Variants in COMMD10 observed in about 807,000 individuals in gnomAD.
The protein encoded by COMMD10 is COMM domain-containing protein 10.
COMMD10 carries 33 observed loss-of-function variants against 28.9 expected under a neutral mutation model. The ratio of observed to expected loss-of-function variants is 1.14; its 90% CI spans 0.87 to 1.53. The LOEUF (loss-of-function observed/expected upper bound fraction) is 1.53. Among genes scored for constraint, COMMD10 ranks in the 40% most tolerant of loss-of-function variants. COMMD10 has a pLI of 0.00. For missense variants in COMMD10, 310 were observed against 233.4 expected, an observed-to-expected ratio of 1.33 and a Z score of -2.14; for synonymous variants, 110 against 81.7, an observed-to-expected ratio of 1.35 and a Z score of -1.87.
At position 116,208,503 on chromosome 5, in the gene COMMD10, G is replaced by C. The variant is rs564564541; in HGVS notation, c.510+74325G>C. Reference sequence around the variant, plus strand: ...TGTTGCTAATGTGGATTATTTATTTGAATTCTGACTCTTTGGGATCCCTTT... The same window carrying C: ...TGTTGCTAATGTGGATTATTTATTTCAATTCTGACTCTTTGGGATCCCTTT... On this transcript the variant is annotated intron_variant, in intron 5 of 6. Transcript: ENST00000274458. Among the ~76,000 whole-genome samples the C allele has an allele frequency of 2.6e-5, 4 of 152,196 alleles. No homozygotes were observed. The South Asian group carries it at 6.2e-4, about 24-fold the overall frequency.
intron 4 of COMMD10, among the ~76,000 whole-genome samples, chr5:116,116,766 T>C (rs7729000): frequency 0.9 from 134,210 of 149,574 alleles, 60,353 homozygotes; most frequent in African/African-American, 0.94. Flanking sequence ...GGCCGGACTG[T>C]GGACTGCAGT....
rs781191720 is a variant in COMMD10, at chr5:116,091,210, T to A, written c.243+21T>A. On this transcript the variant is annotated intron_variant, in intron 3 of 6. Coordinates refer to ENST00000274458, the MANE Select transcript of COMMD10 (RefSeq NM_016144.4). The stretch of plus-strand genomic sequence containing the variant: ...AACAGGTATTTTTATTGCATCAAAT[T>A]TTCTAGCCATGATTTGTTTACTACA... 4 of 1,329,376 alleles carry A rather than the reference T, an allele frequency of 3.0e-6. No individual in the cohort carries two copies. The African/African-American group carries it at 5.8e-5, about 19-fold the overall frequency. 82.3% of individuals were successfully genotyped at this position (1,329,376 alleles called of 1,614,324 possible). A position where few individuals can be genotyped will look rare whatever the true frequency, so the allele number is the denominator to read the frequency against.
chr5:116,192,932 T>C (rs1748407405), intron 5 of COMMD10, among the ~76,000 whole-genome samples: 2 of 152,260 alleles, frequency 1.3e-5, no homozygotes, highest in South Asian at 2.1e-4. Context: ...AACTAACTTA[T>C]AAAGGAAAGC....
chr5:116,166,515 A>G (rs1285950332), intron 5 of COMMD10, among the ~76,000 whole-genome samples: 1 of 152,188 alleles, frequency 6.6e-6, no homozygotes, highest in African/African-American at 2.4e-5. Flanking sequence ...TGCCTCCTCA[A>G]GTGGGTCCCC....
intron 4 of COMMD10, among the ~76,000 whole-genome samples, chr5:116,098,426 C>G (rs772594860): frequency 1.6e-4 from 25 of 152,256 alleles, no homozygotes; most frequent in Admixed American, 7.2e-4. Flanking sequence ...CCCTGGATTT[C>G]GTATTCATGG....
chr5:116,239,953 A>G (rs1749770766), intron 5 of COMMD10, among the ~76,000 whole-genome samples: 2 of 152,178 alleles, frequency 1.3e-5, no homozygotes, highest in Admixed American at 1.3e-4. Context: ...CCCCAAGGAG[A>G]GTAGAGTCCA....
intron 5 of COMMD10, among the ~76,000 whole-genome samples, chr5:116,244,660 C>CAAAAAAAAAAAAAAAAAAAAAAATA (rs60360733): frequency 1.3e-5 from 1 of 79,486 alleles, no homozygotes; most frequent in African/African-American, 3.6e-5. Context: ...AAAAAAATTA[C>CAAAAAAAAAAAAAAAAAAAAAAATA]AAAAAAAAAA....
At chr5:116,146,368 A>G (rs754705958) in intron 5 of COMMD10, among the ~76,000 whole-genome samples, 191 of 151,996 alleles carry the variant, frequency 1.3e-3, no homozygotes, top group Non-Finnish European at 7.5e-4. Context: ...TCCAGAAATC[A>G]ATTAAAATGT....
chr5:116,196,196 C>T (rs550255538), intron 5 of COMMD10, among the ~76,000 whole-genome samples: 2 of 152,210 alleles, frequency 1.3e-5, no homozygotes, highest in East Asian at 1.9e-4. Context: ...CAAATAAATG[C>T]CCATCAACCA....
chr5:116,200,415 A>G (rs1364343943), intron 5 of COMMD10, among the ~76,000 whole-genome samples: 1 of 151,842 alleles, frequency 6.6e-6, no homozygotes, highest in East Asian at 1.9e-4. Context: ...TTTCTTTGGC[A>G]TTTATCTCTT....
intron 4 of COMMD10, among the ~76,000 whole-genome samples, chr5:116,114,029 G>C (rs961326655): frequency 6.6e-6 from 1 of 151,906 alleles, no homozygotes; most frequent in Non-Finnish European, 1.5e-5. Flanking sequence ...AATACTTTAT[G>C]ATATTCTTGG....
At chr5:116,128,492 A>C (rs954471287) in intron 4 of COMMD10, among the ~76,000 whole-genome samples, 3 of 151,682 alleles carry the variant, frequency 2.0e-5, no homozygotes, top group Admixed American at 1.3e-4. Context: ...TGATGTACAC[A>C]GGATAGTTTT....
intron 4 of COMMD10, among the ~76,000 whole-genome samples, chr5:116,117,623 C>A (rs1436645247): frequency 6.6e-6 from 1 of 152,100 alleles, no homozygotes; most frequent in Non-Finnish European, 1.5e-5. Flanking sequence ...ACCACCACTC[C>A]TGGCTAATTT....
At chr5:116,166,912 G>C (rs1455040644) in intron 5 of COMMD10, among the ~76,000 whole-genome samples, 1 of 152,090 alleles carries the variant, frequency 6.6e-6, no homozygotes, top group East Asian at 1.9e-4. Flanking sequence ...CAGAAAGGCT[G>C]AAAATTCCCT....
intron 5 of COMMD10, among the ~76,000 whole-genome samples, chr5:116,155,234 G>C (rs903666950): frequency 1.5e-4 from 23 of 152,068 alleles, no homozygotes; most frequent in Non-Finnish European, 4.4e-5. Context: ...TGGTTGCAGA[G>C]TTTATAGTTG....
chr5:116,255,376 G>A lies in COMMD10; in HGVS notation c.511-36141G>A, dbSNP rs553867049. 1.7e-3 allele frequency among the ~76,000 whole-genome samples: 251 copies of A among 151,712 alleles called. 4 individuals carry two copies. The highest frequency in any genetic ancestry group is 5.7e-3 in the African/African-American group (236 of 41,144). ...CTGGTTATTTTGCTCGTTAGTTGAT[G>A]CAGTTTCTTCCTAGTCTTGATGGTC... On this transcript the variant is annotated intron_variant, in intron 5 of 6. Transcript: ENST00000274458.
chr5:116,249,018 T>A (rs1213150797), intron 5 of COMMD10, among the ~76,000 whole-genome samples: 1 of 152,004 alleles, frequency 6.6e-6, no homozygotes, highest in Non-Finnish European at 1.5e-5. Context: ...CTGTGTTAAA[T>A]GTTAATGATA....
intron 5 of COMMD10, among the ~76,000 whole-genome samples, chr5:116,221,506 A>G (rs1317873306): frequency 6.6e-6 from 1 of 152,210 alleles, no homozygotes; most frequent in Non-Finnish European, 1.5e-5. Flanking sequence ...ACTCTTGGCT[A>G]TGTAGTTACT....
chr5:116,159,833 A>T (rs1047527726), intron 5 of COMMD10, among the ~76,000 whole-genome samples: 1 of 152,220 alleles, frequency 6.6e-6, no homozygotes, highest in Non-Finnish European at 1.5e-5. Context: ...ATACACAATG[A>T]CTAAATTTAT....
Sources: allele counts gnomAD v4.1 joint callset (sites outside exome capture counted in the v4.1 genomes callset), GRCh38; gene constraint gnomAD v4.1.1; transcripts MANE v1.5; gene names NCBI Gene and HGNC (gene_info 2026-07-23, HGNC 2026-07-21).